Variants in DLC1 observed in about 807,000 individuals in gnomAD.
The protein encoded by DLC1 is DLC1 Rho GTPase activating protein, also known as rho GTPase-activating protein 7.
In DLC1, 54 loss-of-function variants were observed where a neutral mutation model predicts 140.3. The ratio of observed to expected loss-of-function variants is 0.38; its 90% confidence interval spans 0.31 to 0.48. DLC1 has a LOEUF of 0.48. DLC1 is among the 20% of genes least tolerant of loss of function. The pLI is 0.96. For synonymous variants in DLC1, 986 were observed against 728.1 expected (o/e 1.35, Z -5.70); for missense variants, 2,536 against 1,907.0 (o/e 1.33, Z -6.14).
chr8:13,369,547 C>G (rs1449266437), intron 4 of DLC1, among the ~76,000 whole-genome samples: 1 of 152,126 alleles, frequency 6.6e-6, no homozygotes, highest in African/African-American at 2.4e-5. Context: ...TTCTCTCATT[C>G]TTCTAGTAGC....
At chr8:13,404,806 T>G (rs373802625) in intron 2 of DLC1, among the ~76,000 whole-genome samples, 3 of 152,212 alleles carry the variant, frequency 2.0e-5, no homozygotes, top group African/African-American at 7.2e-5. Flanking sequence ...GAAACCAGCC[T>G]GGCCAACATG....
intron 4 of DLC1, among the ~76,000 whole-genome samples, chr8:13,322,634 T>C (rs564254702): frequency 1.4e-3 from 214 of 152,282 alleles, no homozygotes; most frequent in African/African-American, 5.1e-3. Flanking sequence ...GTTCCAAATT[T>C]TAAATAATTT....
At chr8:13,344,800 A>C (rs1384696125) in intron 4 of DLC1, among the ~76,000 whole-genome samples, 2 of 152,218 alleles carry the variant, frequency 1.3e-5, no homozygotes, top group Admixed American at 1.3e-4. Flanking sequence ...AATGAAAGGA[A>C]AGAGAGCAAT....
At chr8:13,165,464 A>G (rs566795960) in intron 5 of DLC1, among the ~76,000 whole-genome samples, 21 of 152,334 alleles carry the variant, frequency 1.4e-4, no homozygotes, top group African/African-American at 4.6e-4. Context: ...TGAGCTTCAC[A>G]TAAAGTGCTC....
chr8:13,318,878 G>A (rs997677774), intron 4 of DLC1, among the ~76,000 whole-genome samples: 18 of 152,188 alleles, frequency 1.2e-4, no homozygotes, highest in African/African-American at 4.3e-4. Context: ...AGAAATCATA[G>A]TTTTTATGAC....
At chr8:13,337,030 A>T (rs765248244) in intron 4 of DLC1, among the ~76,000 whole-genome samples, 2 of 152,212 alleles carry the variant, frequency 1.3e-5, no homozygotes, top group Non-Finnish European at 2.9e-5. Flanking sequence ...AGGCAAAAGG[A>T]AAAGTATAAC....
intron 5 of DLC1, among the ~76,000 whole-genome samples, chr8:13,190,135 G>A (rs746072586): frequency 7.9e-5 from 12 of 152,154 alleles, no homozygotes; most frequent in African/African-American, 1.9e-4. Flanking sequence ...GCAGGTAAAC[G>A]ATGTAAAGAC....
chr8:13,508,187 C>G (rs1047720628), intron 1 of DLC1, among the ~76,000 whole-genome samples: 1 of 152,186 alleles, frequency 6.6e-6, no homozygotes, highest in African/African-American at 2.4e-5. Flanking sequence ...GAGAGGAGAG[C>G]AGATACTGGC....
intron 5 of DLC1, among the ~76,000 whole-genome samples, chr8:13,157,491 T>C (rs1052458922): frequency 6.6e-6 from 1 of 152,192 alleles, no homozygotes; most frequent in Non-Finnish European, 1.5e-5. Flanking sequence ...TAAGGGTAAT[T>C]TAGCATTTGA....
intron 2 of DLC1, among the ~76,000 whole-genome samples, chr8:13,444,309 G>T (rs1368828649): frequency 6.6e-6 from 1 of 152,078 alleles, no homozygotes; most frequent in Non-Finnish European, 1.5e-5. Flanking sequence ...CGGTGGTGCG[G>T]GTTGGGGGAG....
intron 4 of DLC1, among the ~76,000 whole-genome samples, chr8:13,359,481 G>T (rs765191090): frequency 6.6e-6 from 1 of 152,150 alleles, no homozygotes; most frequent in Non-Finnish European, 1.5e-5. Flanking sequence ...TCTGCTTGAG[G>T]TTAGTGGGAA....
At chr8:13,420,994 A>G (rs1838297220) in intron 2 of DLC1, among the ~76,000 whole-genome samples, 1 of 152,128 alleles carries the variant, frequency 6.6e-6, no homozygotes, top group Non-Finnish European at 1.5e-5. Flanking sequence ...GATTATACTG[A>G]GAAACTTGTG....
chr8:13,345,064 C>T (rs913027535), intron 4 of DLC1, among the ~76,000 whole-genome samples: 5 of 152,078 alleles, frequency 3.3e-5, no homozygotes, highest in African/African-American at 1.2e-4. Context: ...GGGTGAGTCC[C>T]TTCCCTGGCC....
rs112122317 is a variant in DLC1, at chr8:13,155,151, C to T, written c.1349-39494G>A. On this transcript the variant is annotated intron_variant, in intron 5 of 17. Transcript: ENST00000276297. ...GCGCTGCTTTTTTTTTTTTTTAAAG[C>T]GAATGTCTCCATATCGGTGTATAAA... Among the ~76,000 whole-genome samples, 472 of 147,818 alleles carry T rather than the reference C, an allele frequency of 3.2e-3. 4 individuals are homozygous for T. The highest frequency in any genetic ancestry group is 0.011 in the African/African-American group (462 of 40,234).
chr8:13,215,817 G>A lies in DLC1; in HGVS notation c.1348+89452C>T, dbSNP rs183685764. On this transcript the variant is annotated intron_variant, in intron 5 of 17. Transcript: ENST00000276297. Reference sequence around the variant, plus strand: ...ATATATTTTTCACTCGTAATCTTTCGCATTAGATAGGACTAGTGCGCAAGC... The same window carrying A: ...ATATATTTTTCACTCGTAATCTTTCACATTAGATAGGACTAGTGCGCAAGC... Among the ~76,000 whole-genome samples, 14 of 152,064 alleles carry A rather than the reference G, an allele frequency of 9.2e-5. No homozygotes were observed. In the East Asian group the frequency reaches 1.4e-3, roughly 15 times the overall value.
chr8:13,465,868 C>A (rs574639264), intron 2 of DLC1, among the ~76,000 whole-genome samples: 1 of 152,128 alleles, frequency 6.6e-6, no homozygotes, highest in African/African-American at 2.4e-5. Context: ...GGTTCTCATA[C>A]CAGAACCAGG....
chr8:13,414,253 T>C (rs1837944204), intron 2 of DLC1, among the ~76,000 whole-genome samples: 1 of 152,186 alleles, frequency 6.6e-6, no homozygotes, highest in South Asian at 2.1e-4. Flanking sequence ...TGAGTATCCT[T>C]ATTATTGGTA....
At chr8:13,132,773 C>G (rs940633623) in intron 5 of DLC1, among the ~76,000 whole-genome samples, 2 of 152,236 alleles carry the variant, frequency 1.3e-5, no homozygotes, top group Non-Finnish European at 2.9e-5. Context: ...AACTGCGAGT[C>G]CTGCTATCCC....
intron 4 of DLC1, among the ~76,000 whole-genome samples, chr8:13,353,210 G>A (rs1244850682): frequency 6.6e-6 from 1 of 152,218 alleles, no homozygotes; most frequent in Non-Finnish European, 1.5e-5. Flanking sequence ...TTTCTTGCAA[G>A]ACGAACACCC....
Sources: gnomAD v4.1 joint callset for allele counts (sites outside exome capture counted in the v4.1 genomes callset) on GRCh38, gnomAD v4.1.1 for gene constraint, MANE v1.5 for transcripts, NCBI Gene and HGNC (gene_info 2026-07-23, HGNC 2026-07-21) for gene names.